Variants in C12orf76 observed in about 807,000 individuals in gnomAD.
C12orf76 encodes chromosome 12 open reading frame 76, also known as uncharacterized protein C12orf76.
A neutral mutation model predicts 6.8 loss-of-function variants in C12orf76; 6 were observed. The observed-to-expected ratio is 0.88, with a 90% CI of 0.48 to 1.73. The LOEUF (loss-of-function observed/expected upper bound fraction) is 1.73, where lower values mean the gene tolerates loss of function less well. Among genes scored for constraint, C12orf76 ranks in the 40% most tolerant of loss-of-function variants. C12orf76 has a pLI of 0.01. For missense variants in C12orf76, 99 were observed against 98.2 expected, an observed-to-expected ratio of 1.01 and a Z score of -0.03; for synonymous variants, 56 against 43.7, an observed-to-expected ratio of 1.28 and a Z score of -1.11.
At chr12:110,051,498 C>T (rs532809558), upstream of C12orf76, among the ~76,000 whole-genome samples, 12 of 150,758 alleles carry the variant, frequency 8.0e-5, no homozygotes, top group South Asian at 2.5e-3. Flanking sequence ...GTGATCTCGG[C>T]TCACTGCAAC....
upstream of C12orf76, among the ~76,000 whole-genome samples, chr12:110,068,320 A>AAGG (rs1480604959): frequency 1.4e-5 from 2 of 138,658 alleles, no homozygotes; most frequent in Admixed American, 1.4e-4. Context: ...GAAGAAGAAG[A>AAGG]AGAAGAAGAA....
chr12:110,053,323 A>G (rs948226647), upstream of C12orf76, among the ~76,000 whole-genome samples: 1 of 152,044 alleles, frequency 6.6e-6, no homozygotes, highest in Non-Finnish European at 1.5e-5. Context: ...ACATGGTGAA[A>G]CTCCATCTCT....
intron 3 of C12orf76, chr12:110,058,965 T>C (rs1892722621): frequency 6.6e-7 from 1 of 1,510,048 alleles, no homozygotes; most frequent in East Asian, 2.5e-5. Flanking sequence ...AAACCAACTC[T>C]ATAAGGAAGG....
chr12:110,059,030 G>A (rs2137231703), exon 3 of C12orf76: 1 of 1,551,586 alleles, frequency 6.4e-7, no homozygotes, highest in South Asian at 1.2e-5. Context: ...AATGAAGCGA[G>A]AAGCTTGTCC....
At chr12:110,062,516 A>G (rs1490693908) in intron 2 of C12orf76, among the ~76,000 whole-genome samples, 1 of 152,162 alleles carries the variant, frequency 6.6e-6, no homozygotes, top group Non-Finnish European at 1.5e-5. Flanking sequence ...TGGTTGAACA[A>G]CTTGGTAAAT....
chr12:110,060,853 T>G (rs1892759549), intron 2 of C12orf76, among the ~76,000 whole-genome samples: 2 of 152,026 alleles, frequency 1.3e-5, no homozygotes, highest in African/African-American at 4.8e-5. Context: ...CTGCCCAACA[T>G]GGTGAAACCC....
upstream of C12orf76, among the ~76,000 whole-genome samples, chr12:110,068,227 G>A (rs7488624): frequency 3.9e-5 from 5 of 129,744 alleles, no homozygotes; most frequent in Non-Finnish European, 6.5e-5. Context: ...GAAGGAGAAG[G>A]AGAAGAGAAG....
At chr12:110,073,528 T>C (rs1192319581) in exon 1 of C12orf76, 1 of 518,942 alleles carries the variant, frequency 1.9e-6, no homozygotes, top group Non-Finnish European at 3.9e-6. Flanking sequence ...TCACTGCAGC[T>C]GCAGCAGGCT....
At chr12:110,069,426 C>T (rs1425571161), upstream of C12orf76, among the ~76,000 whole-genome samples, 1 of 152,118 alleles carries the variant, frequency 6.6e-6, no homozygotes, top group African/African-American at 2.4e-5. Flanking sequence ...GGTGACACAG[C>T]GAGACTCCGT....
At chr12:110,051,253 C>T (rs778995882), upstream of C12orf76, 1 of 746,142 alleles carries the variant, frequency 1.3e-6, no homozygotes, top group Non-Finnish European at 2.5e-6. Context: ...CGTTCCAATC[C>T]TAGCTCGGCT....
intron 1 of C12orf76, chr12:110,044,582 T>C (rs887480476): frequency 1.3e-5 from 2 of 153,816 alleles, no homozygotes; most frequent in Non-Finnish European, 2.9e-5. Context: ...GATTTGACCA[T>C]AGTTTTATTT....
intron 2 of C12orf76, among the ~76,000 whole-genome samples, chr12:110,064,387 T>C (rs931284826): frequency 1.3e-5 from 2 of 152,130 alleles, no homozygotes; most frequent in Non-Finnish European, 2.9e-5. Context: ...CCCAAACATG[T>C]GGCCGTTCAG....
At chr12:110,047,164 G>C (rs1173566166) in intron 1 of C12orf76, among the ~76,000 whole-genome samples, 6 of 152,086 alleles carry the variant, frequency 3.9e-5, no homozygotes, top group Non-Finnish European at 8.8e-5. Flanking sequence ...CTTTGGCGAG[G>C]GGCAGATTTA....
At chr12:110,072,005 C>T (rs1418985155), upstream of C12orf76, among the ~76,000 whole-genome samples, 4 of 152,090 alleles carry the variant, frequency 2.6e-5, no homozygotes, top group Admixed American at 6.5e-5. Flanking sequence ...AAACCTTGTT[C>T]GCAATGTTTA....
chr12:110,062,088 A>AC (rs1431437320), intron 2 of C12orf76, among the ~76,000 whole-genome samples: 2 of 151,284 alleles, frequency 1.3e-5, no homozygotes, highest in Non-Finnish European at 2.9e-5. Context: ...ACGTGGTAAG[A>AC]CCCCCTCTCT....
chr12:110,072,479 G>C (rs768438550), upstream of C12orf76, among the ~76,000 whole-genome samples: 2 of 151,950 alleles, frequency 1.3e-5, no homozygotes, highest in Non-Finnish European at 2.9e-5. Context: ...GATGGCAAAG[G>C]AGTGTGGGTT....
At chr12:110,062,786 A>ATCT (rs1555253017) in intron 2 of C12orf76, among the ~76,000 whole-genome samples, 1 of 124,818 alleles carries the variant, frequency 8.0e-6, no homozygotes, top group Non-Finnish European at 1.6e-5. Flanking sequence ...TGCCCAGCTA[A>ATCT]TATTTTTTTT....
chr12:110,051,695 G>T (rs1009087028), upstream of C12orf76, among the ~76,000 whole-genome samples: 2 of 151,888 alleles, frequency 1.3e-5, no homozygotes, highest in Non-Finnish European at 2.9e-5. Context: ...AAAGTGTTGG[G>T]ATTACAGGTG....
At chr12:110,051,288 G>A (rs1042495050), upstream of C12orf76, 3 of 712,844 alleles carry the variant, frequency 4.2e-6, no homozygotes, top group Non-Finnish European at 7.7e-6. Flanking sequence ...CGTGTGACTC[G>A]TTTTCCCTCT....
Sources: allele counts gnomAD v4.1 joint callset (sites outside exome capture counted in the v4.1 genomes callset), GRCh38; gene constraint gnomAD v4.1.1; transcripts MANE v1.5; gene names NCBI Gene and HGNC (gene_info 2026-07-23, HGNC 2026-07-21).